ISY1: variants seen among roughly 807,000 people sequenced by gnomAD.
ISY1 encodes the protein ISY1 spliceosome associated protein.
A neutral mutation model predicts 54.4 loss-of-function variants in ISY1; 12 were observed. The ratio of observed to expected loss-of-function variants is 0.22; its 90% CI spans 0.14 to 0.36. ISY1 has a LOEUF of 0.36. Ranked by LOEUF, ISY1 falls within the 10% of genes least tolerant of loss-of-function variation. ISY1 has a pLI of 1.00. For synonymous variants in ISY1, 96 were observed against 117.9 expected (o/e 0.81, Z 1.20); for missense variants, 282 against 342.2 (o/e 0.82, Z 1.39).
chr3:129,160,309 A>T (rs535728406), intron 1 of ISY1, among the ~76,000 whole-genome samples: 2 of 152,160 alleles, frequency 1.3e-5, no homozygotes, highest in Non-Finnish European at 2.9e-5. Flanking sequence ...AGTAGCCAAT[A>T]TTACGTAGTG....
rs1001803664 is a variant in ISY1 at position 129,145,652 on chromosome 3, C to T, written c.300+109G>A. 1.6e-5 allele frequency: 16 copies of T among 1,009,934 alleles called. No homozygotes were observed. In the Admixed American group the frequency reaches 3.5e-4, roughly 22 times the overall value. The allele number at this position is 1,009,934 out of a possible 1,614,324, so 62.6% of individuals were successfully genotyped here. ...GTCTTCCAGCATCATCCTACCCATC[C>T]TGTTCATAGCTTTCCTGTATCAAGC... On this transcript the variant is annotated intron_variant, in intron 6 of 10. Transcript: ENST00000393295.
Position 129,140,976 on chromosome 3 carries a change from A to G in ISY1, c.301-491T>C, listed in dbSNP as rs1936588942. ...TCCTAGCACTTTGGGAGGCCAAGGT[A>G]GGCGATCACTTCAGCTTAGGAGTTC... On this transcript the variant is annotated intron_variant, in intron 6 of 10. Coordinates refer to ENST00000393295, the MANE Select transcript of ISY1 (RefSeq NM_020701.4). 2.0e-5 allele frequency among the ~76,000 whole-genome samples: 3 copies of G among 149,448 alleles called. No individual in the cohort carries two copies. In the South Asian group the frequency reaches 6.4e-4, roughly 32 times the overall value.
At position 129,161,019 on chromosome 3, in the gene ISY1, C is replaced by T. The variant is rs182147076; in HGVS notation, c.-44G>A. On this transcript the variant is annotated 5_prime_UTR_variant, in exon 1 of 11. Coordinates refer to ENST00000393295, the MANE Select transcript of ISY1 (RefSeq NM_020701.4). ...GTCCTGGAGCCCCGCGGCCCCTGTC[C>T]AAGAAACTCCACAGGCCCAGAAGAC... The T allele has an allele frequency of 1.9e-6, 3 of 1,548,880 alleles. No individual in the cohort carries two copies. Among genetic ancestry groups the T allele is most frequent in the African/African-American group, 2.7e-5 (2 of 72,888 alleles).
chr3:129,134,976 C>A, intron 7 of ISY1, 22 bp from the exon 8 acceptor site: 1 of 1,591,760 alleles, frequency 6.3e-7, no homozygotes. Context: ...AGAAATGGAG[C>A]TGAGTTTCCA....
intron 1 of ISY1, among the ~76,000 whole-genome samples, chr3:129,160,652 A>C (rs1293813549): frequency 1.3e-5 from 2 of 152,150 alleles, no homozygotes; most frequent in Non-Finnish European, 2.9e-5. Flanking sequence ...ATTTAGGGAC[A>C]AACAGCCGGC....
At chr3:129,146,952 G>C (rs560098660) in intron 5 of ISY1, among the ~76,000 whole-genome samples, 1 of 152,182 alleles carries the variant, frequency 6.6e-6, no homozygotes, top group South Asian at 2.1e-4. Flanking sequence ...CCAGCTACTT[G>C]GGAGACTTAG....
intron 7 of ISY1, among the ~76,000 whole-genome samples, chr3:129,135,683 T>C (rs141523243): frequency 0.029 from 4,403 of 151,784 alleles, 144 homozygotes; most frequent in East Asian, 0.11. Flanking sequence ...GGAGAATCGC[T>C]TGAACCCAGG....
Position 129,129,238 on chromosome 3 carries a change from A to G in ISY1, c.*843T>C, listed in dbSNP as rs1936172035. The G allele has an allele frequency of 6.6e-6, 1 of 152,240 alleles. No homozygotes were observed. 9.4% of individuals were successfully genotyped at this position (152,240 alleles called of 1,614,324 possible). A position where few individuals can be genotyped will look rare whatever the true frequency, so the allele number is the denominator to read the frequency against. ...AATAGGTTTCTGCAGAACAGGTTAT[A>G]AAACAGGAATAGCAAACTCAAATTC... On this transcript the variant is annotated 3_prime_UTR_variant, in exon 11 of 11. Transcript: ENST00000393295.
chr3:129,157,085 C>G (rs1367921708), intron 3 of ISY1, among the ~76,000 whole-genome samples, 165 bp from the exon 4 acceptor site: 1 of 152,178 alleles, frequency 6.6e-6, no homozygotes, highest in Non-Finnish European at 1.5e-5. Context: ...TCTACAATCT[C>G]TCCTTAGGAA....
chr3:129,140,073 C>T (rs1232024552), intron 7 of ISY1, among the ~76,000 whole-genome samples: 1 of 152,226 alleles, frequency 6.6e-6, no homozygotes, highest in East Asian at 1.9e-4. Context: ...CCCAATCGTT[C>T]TGGGAAACTT....
chr3:129,144,600 T>G (rs1210225537), intron 6 of ISY1, among the ~76,000 whole-genome samples: 1 of 152,152 alleles, frequency 6.6e-6, no homozygotes, highest in Admixed American at 6.6e-5. Flanking sequence ...TAGTGCATCA[T>G]GAAATCAGTT....
chr3:129,137,316 T>G, intron 7 of ISY1: 29 of 546,274 alleles, frequency 5.3e-5, no homozygotes, highest in Non-Finnish European at 6.3e-5. Flanking sequence ...ACTTTAACTC[T>G]ATCTGTGCTA....
chr3:129,142,200 C>T (rs922600932), intron 6 of ISY1, among the ~76,000 whole-genome samples: 2 of 92,748 alleles, frequency 2.2e-5, no homozygotes, highest in African/African-American at 7.7e-5. Context: ...GAGCGAGACT[C>T]TGTCTCGAAA....
intron 7 of ISY1, among the ~76,000 whole-genome samples, chr3:129,137,692 C>T (rs1008789488): frequency 2.0e-5 from 3 of 151,884 alleles, no homozygotes; most frequent in South Asian, 2.1e-4. Flanking sequence ...GGGCGGATCA[C>T]GAGGTCAGGA....
At chr3:129,134,993 A>G (rs1171510545) in intron 7 of ISY1, 39 bp from the exon 8 acceptor site, 3 of 1,577,282 alleles carry the variant, frequency 1.9e-6, no homozygotes, top group South Asian at 2.3e-5. Flanking sequence ...TCCAAGTCAT[A>G]ATCACACTCC....
rs1027134755 is a variant in ISY1, at chr3:129,134,894, T to A, written c.479A>T (p.Tyr160Phe). The A allele has an allele frequency of 1.2e-6, 2 of 1,611,550 alleles. No individual in the cohort carries two copies. The highest frequency in any genetic ancestry group is 1.7e-6 in the Non-Finnish European group (2 of 1,178,280). The stretch of plus-strand genomic sequence containing the variant: ...ACCATCATCTTCATCTAGGTAACCA[T>A]AGTACTCAAAATCGATTGCCTTCAT... ...ELMKAIDFEY[Y>F]GYLDEDDGVI... is the part of the protein sequence containing the mutation. The change falls in exon 8 of 11, where the codon TAT becomes TTT. Residue 160 changes from tyrosine to phenylalanine, a missense_variant. Around this residue, in one of 2 missense-constraint regions of ISY1, gnomAD observed 279 missense variants for 323.6 expected, o/e 0.86. Coordinates refer to ENST00000393295, the MANE Select transcript of ISY1 (RefSeq NM_020701.4).
At chr3:129,148,164 T>C (rs1436694523) in intron 5 of ISY1, among the ~76,000 whole-genome samples, 2 of 152,124 alleles carry the variant, frequency 1.3e-5, no homozygotes, top group East Asian at 3.9e-4. Flanking sequence ...ATTATTTTAT[T>C]TTATAGACAC....
intron 6 of ISY1, among the ~76,000 whole-genome samples, chr3:129,142,015 G>C (rs1322476785): frequency 6.6e-6 from 1 of 151,912 alleles, no homozygotes; most frequent in Non-Finnish European, 1.5e-5. Flanking sequence ...GACCAGCCTG[G>C]CCAACATGGT....
chr3:129,138,010 C>T (rs1936475233), intron 7 of ISY1, among the ~76,000 whole-genome samples: 1 of 149,160 alleles, frequency 6.7e-6, no homozygotes, highest in Admixed American at 6.7e-5. Context: ...GGCACAGTGG[C>T]TCACGCCTGT....
Sources: allele counts gnomAD v4.1 joint callset (sites outside exome capture counted in the v4.1 genomes callset), GRCh38; gene constraint gnomAD v4.1.1; regional missense constraint gnomAD v4.1.1; transcripts MANE v1.5; gene names NCBI Gene and HGNC (gene_info 2026-07-23, HGNC 2026-07-21).